The following CSMD1 variants were observed in gnomAD, a reference collection of about 807,000 sequenced individuals.
CSMD1 encodes CUB and sushi domain-containing protein 1.
CSMD1 carries 213 observed loss-of-function variants against 417.5 expected under a neutral mutation model. The ratio of observed to expected loss-of-function variants is 0.51; its 90% CI spans 0.46 to 0.57. The LOEUF (loss-of-function observed/expected upper bound fraction) is 0.57, where lower values mean the gene tolerates loss of function less well. Ranked by LOEUF, CSMD1 falls within the 20% of genes least tolerant of loss-of-function variation. The pLI is 0.00. For missense variants in CSMD1, 6,923 were observed against 4,529.7 expected, an observed-to-expected ratio of 1.53 and a Z score of -15.17; for synonymous variants, 2,862 against 1,736.8, an observed-to-expected ratio of 1.65 and a Z score of -16.11.
intron 3 of CSMD1, among the ~76,000 whole-genome samples, chr8:4,048,721 A>T (rs1457360438): frequency 6.6e-6 from 1 of 152,210 alleles, no homozygotes; most frequent in African/African-American, 2.4e-5. Context: ...ATTTATTAAT[A>T]CATACATGTA....
At chr8:3,729,629 G>T (rs1271741863) in intron 6 of CSMD1, among the ~76,000 whole-genome samples, 1 of 152,036 alleles carries the variant, frequency 6.6e-6, no homozygotes, top group Non-Finnish European at 1.5e-5. Flanking sequence ...TGGAAAGACG[G>T]TGAACTCAAC....
chr8:3,491,531 T>C (rs973399276), intron 11 of CSMD1, among the ~76,000 whole-genome samples: 3 of 152,152 alleles, frequency 2.0e-5, no homozygotes, highest in African/African-American at 7.2e-5. Flanking sequence ...TGCTTATTAG[T>C]AATAGTTGGA....
intron 1 of CSMD1, among the ~76,000 whole-genome samples, chr8:4,687,327 G>A (rs1176425067): frequency 1.3e-5 from 2 of 152,162 alleles, no homozygotes; most frequent in African/African-American, 2.4e-5. Context: ...ATGCATAGAT[G>A]GAGAAGAGCC....
intron 3 of CSMD1, among the ~76,000 whole-genome samples, chr8:4,058,575 C>G (rs932296071): frequency 1.3e-5 from 2 of 150,722 alleles, no homozygotes; most frequent in African/African-American, 4.9e-5. Context: ...CATATAGGCT[C>G]AAAATAAAAG....
chr8:3,574,631 A>C (rs1800071811), intron 10 of CSMD1, among the ~76,000 whole-genome samples: 1 of 152,202 alleles, frequency 6.6e-6, no homozygotes, highest in South Asian at 2.1e-4. Flanking sequence ...GGTATTTAAG[A>C]AAGCTTGTAA....
At chr8:4,241,812 G>A (rs1422322695) in intron 3 of CSMD1, among the ~76,000 whole-genome samples, 1 of 151,420 alleles carries the variant, frequency 6.6e-6, no homozygotes, top group African/African-American at 2.4e-5. Flanking sequence ...CTGGGTTCAC[G>A]CCATTCTCCT....
chr8:4,097,118 G>C (rs542577137), intron 3 of CSMD1, among the ~76,000 whole-genome samples: 1 of 151,988 alleles, frequency 6.6e-6, no homozygotes, highest in Non-Finnish European at 1.5e-5. Context: ...TCCCCTCTCT[G>C]CACTCTGAGC....
At chr8:4,823,075 T>C (rs1350799757) in intron 1 of CSMD1, among the ~76,000 whole-genome samples, 2 of 152,100 alleles carry the variant, frequency 1.3e-5, no homozygotes, top group Non-Finnish European at 2.9e-5. Context: ...TCCACTAAAT[T>C]TATTTTAAGT....
At chr8:4,408,025 C>G (rs546804001) in intron 3 of CSMD1, among the ~76,000 whole-genome samples, 6 of 152,274 alleles carry the variant, frequency 3.9e-5, no homozygotes, top group Admixed American at 2.6e-4. Flanking sequence ...TGTCCACTTA[C>G]TCACCCTCCT....
rs548209203 is a variant in CSMD1, at chr8:4,873,391, C to T, written c.85+120941G>A. Reference sequence around the variant, plus strand: ...CAGATCAGCGATAGAGGAGAGACTCCCGGACACTCAGCAGGAAATCAACTA... The same window carrying T: ...CAGATCAGCGATAGAGGAGAGACTCTCGGACACTCAGCAGGAAATCAACTA... On this transcript the variant is annotated intron_variant, in intron 1 of 69. Transcript: ENST00000635120. 3.3e-5 allele frequency among the ~76,000 whole-genome samples: 5 copies of T among 152,156 alleles called. No individual in the cohort carries two copies. The South Asian group carries it at 1.0e-3, about 32-fold the overall frequency.
At chr8:4,328,288 G>C (rs1267239542) in intron 3 of CSMD1, among the ~76,000 whole-genome samples, 5 of 121,494 alleles carry the variant, frequency 4.1e-5, no homozygotes, top group Non-Finnish European at 6.6e-5. Context: ...CTTCTTAACT[G>C]TGAATTACCA....
chr8:4,116,821 G>T (rs570365337), intron 3 of CSMD1, among the ~76,000 whole-genome samples: 176 of 130,558 alleles, frequency 1.3e-3, no homozygotes, highest in Non-Finnish European at 1.9e-3. Context: ...TAAAAAATAG[G>T]GTCTATTAAA....
intron 10 of CSMD1, among the ~76,000 whole-genome samples, chr8:3,530,915 T>C (rs1474518532): frequency 6.6e-6 from 1 of 151,650 alleles, no homozygotes; most frequent in Non-Finnish European, 1.5e-5. Flanking sequence ...TGGAATGCAG[T>C]GGTACGATCT....
rs76309434 is a variant in CSMD1 at position 3,820,311 on chromosome 8, T to G, written c.819-66269A>C. On this transcript the variant is annotated intron_variant, in intron 5 of 69. Coordinates refer to ENST00000635120, the MANE Select transcript of CSMD1 (RefSeq NM_033225.6). ...TATGTGAGCTCAGAAGAGGACACAG[T>G]AGTCTAAGATGAATTCCTCTTAGAT... is the stretch of plus-strand genomic sequence containing the variant. 2.3e-3 allele frequency among the ~76,000 whole-genome samples: 348 copies of G among 152,234 alleles called. 1 individual carries two copies. The highest frequency in any genetic ancestry group is 8.0e-3 in the African/African-American group (334 of 41,536).
chr8:3,975,180 T>A (rs10448105), intron 5 of CSMD1, among the ~76,000 whole-genome samples: 2 of 152,068 alleles, frequency 1.3e-5, no homozygotes, highest in Non-Finnish European at 2.9e-5. Context: ...TGATTTTCAT[T>A]CAGCATCCTG....
chr8:4,426,043 A>C (rs1797533208), intron 2 of CSMD1, among the ~76,000 whole-genome samples: 1 of 151,932 alleles, frequency 6.6e-6, no homozygotes, highest in African/African-American at 2.4e-5. Context: ...AGGGATTATG[A>C]AATTTTACTG....
At chr8:3,969,850 G>A (rs1371523246) in intron 5 of CSMD1, among the ~76,000 whole-genome samples, 1 of 152,138 alleles carries the variant, frequency 6.6e-6, no homozygotes, top group East Asian at 1.9e-4. Flanking sequence ...ATCTATAAGT[G>A]CATTTCTAGA....
In CSMD1 at chr8:3,664,138, C is replaced by G. The variant is rs897082161; in HGVS notation, c.1009+44276G>C. Among the ~76,000 whole-genome samples, 6 of 152,170 alleles carry G rather than the reference C, an allele frequency of 3.9e-5. No homozygotes were observed. In the East Asian group the frequency reaches 9.7e-4, roughly 25 times the overall value. ...TGTTGGTTTGCTGCACCCATTGACT[C>G]GTCATTTAACATTAGGTATTTCCCC... is the stretch of plus-strand genomic sequence containing the variant. On this transcript the variant is annotated intron_variant, in intron 7 of 69. Coordinates refer to ENST00000635120, the MANE Select transcript of CSMD1 (RefSeq NM_033225.6).
At chr8:4,441,883 T>C (rs1420445074) in intron 2 of CSMD1, among the ~76,000 whole-genome samples, 2 of 152,236 alleles carry the variant, frequency 1.3e-5, no homozygotes, top group African/African-American at 4.8e-5. Flanking sequence ...TTTTAAAGTA[T>C]GCTGCTACAA....
Sources: gnomAD v4.1 joint callset for allele counts (sites outside exome capture counted in the v4.1 genomes callset) on GRCh38, gnomAD v4.1.1 for gene constraint, MANE v1.5 for transcripts, NCBI Gene and HGNC (gene_info 2026-07-23, HGNC 2026-07-21) for gene names.